Variants in HDAC9 observed in about 807,000 individuals in gnomAD.
The protein encoded by HDAC9 is histone deacetylase 9.
In HDAC9, 41 loss-of-function variants were observed where a neutral mutation model predicts 139.4. The observed-to-expected ratio is 0.29, with a 90% CI of 0.23 to 0.38. The LOEUF (loss-of-function observed/expected upper bound fraction) is 0.38, where lower values mean the gene tolerates loss of function less well. HDAC9 is among the 10% of genes least tolerant of loss of function. The pLI is 1.00. For missense variants in HDAC9, 1,147 were observed against 1,297.0 expected, an observed-to-expected ratio of 0.88 and a Z score of 1.78; for synonymous variants, 517 against 476.2, an observed-to-expected ratio of 1.09 and a Z score of -1.12.
rs192654032 is a variant in HDAC9 at position 18,603,069 on chromosome 7, C to T, written c.664+9040C>T. ...ATGTAACAAACACCACTTTTATCTTCGATAATCTTCTTGGCTTTGAAATCT... is the reference window on the plus strand; with the variant it reads ...ATGTAACAAACACCACTTTTATCTTTGATAATCTTCTTGGCTTTGAAATCT... On this transcript the variant is annotated intron_variant, in intron 6 of 25. Coordinates refer to ENST00000686413, the MANE Select transcript of HDAC9 (RefSeq NM_178425.4). Among the ~76,000 whole-genome samples the T allele has an allele frequency of 2.8e-3, 423 of 152,112 alleles. 2 individuals are homozygous for T. The highest frequency in any genetic ancestry group is 7.7e-3 in the African/African-American group (318 of 41,552).
intron 1 of HDAC9, among the ~76,000 whole-genome samples, chr7:18,422,747 C>T (rs905411308): frequency 1.4e-4 from 2 of 13,952 alleles, no homozygotes; most frequent in Non-Finnish European, 6.2e-4. Context: ...CACACGCGCA[C>T]ACACACACAC....
intron 2 of HDAC9, among the ~76,000 whole-genome samples, chr7:18,283,128 G>T (rs1436731844): frequency 1.3e-5 from 2 of 152,062 alleles, no homozygotes; most frequent in Non-Finnish European, 2.9e-5. Context: ...AGGAAGAAAA[G>T]AGGTTTCATT....
intron 6 of HDAC9, among the ~76,000 whole-genome samples, chr7:18,627,799 G>A (rs1386001983): frequency 1.3e-5 from 2 of 151,926 alleles, no homozygotes; most frequent in Admixed American, 6.6e-5. Flanking sequence ...CAGCATTTTC[G>A]GGCTTTTGGT....
At chr7:18,901,223 C>T (rs147334606) in intron 22 of HDAC9, among the ~76,000 whole-genome samples, 2,826 of 107,490 alleles carry the variant, frequency 0.026, 132 homozygotes, top group East Asian at 0.23. Flanking sequence ...TATATATATA[C>T]ACACACACAC....
chr7:18,303,081 A>C (rs997027441), intron 1 of HDAC9, among the ~76,000 whole-genome samples: 1 of 152,146 alleles, frequency 6.6e-6, no homozygotes, highest in African/African-American at 2.4e-5. Flanking sequence ...AAATATTGAT[A>C]GTTTTTCATA....
At chr7:18,210,480 G>T (rs1179081557) in intron 2 of HDAC9, among the ~76,000 whole-genome samples, 2 of 152,062 alleles carry the variant, frequency 1.3e-5, no homozygotes, top group African/African-American at 2.4e-5. Flanking sequence ...TTTACCTTTA[G>T]AACTAAAGAT....
intron 22 of HDAC9, among the ~76,000 whole-genome samples, chr7:18,916,034 A>AAAAAAAAAAAAAC (rs1803177789): frequency 6.6e-6 from 1 of 151,560 alleles, no homozygotes; most frequent in Admixed American, 6.6e-5. Context: ...AAAAAAAAAA[A>AAAAAAAAAAAAAC]AAAACAGAAA....
chr7:18,566,463 G>A (rs902089390), intron 2 of HDAC9, among the ~76,000 whole-genome samples: 1 of 152,160 alleles, frequency 6.6e-6, no homozygotes, highest in Admixed American at 6.5e-5. Context: ...AACAGCAGTT[G>A]CCTTTTGCAT....
At chr7:18,872,491 G>T (rs577561686) in intron 21 of HDAC9, among the ~76,000 whole-genome samples, 29 of 152,250 alleles carry the variant, frequency 1.9e-4, no homozygotes, top group African/African-American at 5.8e-4. Context: ...CACTATAAAG[G>T]TGAATGGGGC....
intron 2 of HDAC9, among the ~76,000 whole-genome samples, chr7:18,498,171 T>G (rs1203957485): frequency 6.6e-6 from 1 of 152,156 alleles, no homozygotes; most frequent in Non-Finnish European, 1.5e-5. Context: ...TATTTATTTT[T>G]AAAATGTGAA....
At chr7:18,138,002 A>G (rs1785562579) in intron 1 of HDAC9, among the ~76,000 whole-genome samples, 1 of 152,032 alleles carries the variant, frequency 6.6e-6, no homozygotes. Flanking sequence ...TGGTCTATTC[A>G]GAGATTCAAC....
At chr7:18,917,784 G>C (rs1435142850) in intron 22 of HDAC9, among the ~76,000 whole-genome samples, 1 of 152,004 alleles carries the variant, frequency 6.6e-6, no homozygotes, top group African/African-American at 2.4e-5. Flanking sequence ...ATATGTCTGA[G>C]ATGACACTGA....
At chr7:18,667,823 C>A in intron 12 of HDAC9, 1 of 983,886 alleles carries the variant, frequency 1.0e-6, no homozygotes, top group Non-Finnish European at 1.2e-6. Context: ...TTCACTGGAA[C>A]ATTTCCTTCA....
chr7:18,886,417 C>T lies in HDAC9; in HGVS notation c.2803+11821C>T, dbSNP rs146342327. On this transcript the variant is annotated intron_variant, in intron 22 of 25. Transcript: ENST00000686413. ...AGTTTGCCCCAGAGGAAGATGCCAA[C>T]TGCAGCTAATGTGTACTGTATTCCA... Among the ~76,000 whole-genome samples the T allele has an allele frequency of 3.0e-3, 453 of 152,310 alleles. 2 individuals are homozygous for T. The highest frequency in any genetic ancestry group is 0.01 in the African/African-American group (431 of 41,570).
intron 1 of HDAC9, chr7:18,151,803 C>G (rs1300595627): frequency 6.6e-6 from 1 of 152,102 alleles, no homozygotes; most frequent in African/African-American, 2.4e-5. Flanking sequence ...ATAATTTTGA[C>G]AGTGGAAATG....
intron 2 of HDAC9, among the ~76,000 whole-genome samples, chr7:18,558,373 G>A (rs141949982): frequency 3.3e-5 from 5 of 152,238 alleles, no homozygotes; most frequent in South Asian, 2.1e-4. Flanking sequence ...AAATAAAAAT[G>A]CTATCTCAAG....
At chr7:18,891,713 A>G (rs1216567698) in intron 22 of HDAC9, among the ~76,000 whole-genome samples, 6 of 152,160 alleles carry the variant, frequency 3.9e-5, no homozygotes, top group Non-Finnish European at 5.9e-5. Flanking sequence ...TTCAATCCCA[A>G]TAGATCACCA....
At chr7:18,690,344 T>C (rs1782584113) in intron 12 of HDAC9, among the ~76,000 whole-genome samples, 1 of 152,024 alleles carries the variant, frequency 6.6e-6, no homozygotes, top group African/African-American at 2.4e-5. Flanking sequence ...GGTTATATGA[T>C]AGGTGTATAC....
chr7:18,261,148 A>G (rs199881173), intron 2 of HDAC9, among the ~76,000 whole-genome samples: 2 of 58,866 alleles, frequency 3.4e-5, no homozygotes, highest in Non-Finnish European at 1.0e-4. Context: ...ACAAAAAATT[A>G]AAAAAAAAAA....
Sources: gnomAD v4.1 joint callset for allele counts (sites outside exome capture counted in the v4.1 genomes callset) on GRCh38, gnomAD v4.1.1 for gene constraint, MANE v1.5 for transcripts, NCBI Gene and HGNC (gene_info 2026-07-23, HGNC 2026-07-21) for gene names.